The following ASTN2 variants were observed in gnomAD, a reference collection of about 807,000 sequenced individuals.
The protein encoded by ASTN2 is astrotactin-2.
In ASTN2, 54 loss-of-function variants were observed where a neutral mutation model predicts 139.8. The ratio of observed to expected loss-of-function variants is 0.39; its 90% CI spans 0.31 to 0.48. The LOEUF is 0.48. Ranked by LOEUF, ASTN2 falls within the 20% of genes least tolerant of loss-of-function variation. The pLI, the probability that ASTN2 is intolerant of heterozygous loss-of-function variation, is 0.95. For synonymous variants in ASTN2, 756 were observed against 719.5 expected (o/e 1.05, Z -0.81); for missense variants, 1,565 against 1,725.1 (o/e 0.91, Z 1.64).
chr9:117,330,183 C>T (rs1041042223), intron 1 of ASTN2, among the ~76,000 whole-genome samples: 1 of 152,160 alleles, frequency 6.6e-6, no homozygotes, highest in Non-Finnish European at 1.5e-5. Context: ...AACCTGGATG[C>T]TCCCATTATA....
chr9:117,227,331 G>A (rs1163496475), intron 2 of ASTN2, among the ~76,000 whole-genome samples: 1 of 152,000 alleles, frequency 6.6e-6, no homozygotes, highest in African/African-American at 2.4e-5. Flanking sequence ...TTTGTTCATG[G>A]CCTTAATAGA....
intron 13 of ASTN2, among the ~76,000 whole-genome samples, chr9:116,795,059 C>G (rs2132228799): frequency 6.6e-6 from 1 of 152,320 alleles, no homozygotes; most frequent in South Asian, 2.1e-4. Flanking sequence ...TTACTGCAAT[C>G]TCCGCCTCCT....
chr9:117,303,811 C>A (rs1383905500), intron 1 of ASTN2, among the ~76,000 whole-genome samples: 1 of 152,194 alleles, frequency 6.6e-6, no homozygotes, highest in East Asian at 1.9e-4. Flanking sequence ...TGTTTTTCCT[C>A]CCCTTGAATC....
Position 116,644,112 on chromosome 9 carries a change from T to C in ASTN2, c.3072+7416A>G, listed in dbSNP as rs183597973. Among the ~76,000 whole-genome samples the C allele has an allele frequency of 3.2e-4, 48 of 152,188 alleles. 1 individual carries two copies. Among genetic ancestry groups the C allele is most frequent in the African/African-American group, 1.0e-3 (43 of 41,506 alleles). On this transcript the variant is annotated intron_variant, in intron 17 of 22. Transcript: ENST00000313400. ...AGCATAGTGGTGGCGGTAGTGGTCA[T>C]GGTTGTAGTGATGGTAGGTACTGGT... is the stretch of plus-strand genomic sequence containing the variant.
At chr9:116,801,540 C>T (rs556037786) in intron 13 of ASTN2, among the ~76,000 whole-genome samples, 23 of 121,114 alleles carry the variant, frequency 1.9e-4, no homozygotes, top group African/African-American at 5.7e-4. Flanking sequence ...GATCATGTCA[C>T]TGCACTCCAC....
intron 16 of ASTN2, among the ~76,000 whole-genome samples, chr9:116,676,079 C>T (rs927262624): frequency 2.0e-5 from 3 of 152,146 alleles, no homozygotes; most frequent in African/African-American, 7.2e-5. Flanking sequence ...GGGTGATTTT[C>T]TCTTGTAAAG....
chr9:117,110,589 T>A (rs951698465), intron 4 of ASTN2, among the ~76,000 whole-genome samples: 12 of 152,048 alleles, frequency 7.9e-5, no homozygotes, highest in Admixed American at 7.2e-4. Context: ...TACAGAGGAG[T>A]ACGCTAGTAA....
At chr9:116,510,360 G>T (rs1850318344) in intron 19 of ASTN2, among the ~76,000 whole-genome samples, 1 of 151,940 alleles carries the variant, frequency 6.6e-6, no homozygotes, top group Admixed American at 6.6e-5. Flanking sequence ...TGTTCCATTG[G>T]TCTATATCTC....
At chr9:116,507,535 TCC>T (rs1373152635) in intron 19 of ASTN2, among the ~76,000 whole-genome samples, 1 of 152,152 alleles carries the variant, frequency 6.6e-6, no homozygotes, top group Non-Finnish European at 1.5e-5. Context: ...GGGCATGAGT[TCC>T]TAGAAGTATG....
intron 13 of ASTN2, among the ~76,000 whole-genome samples, chr9:116,755,183 A>G (rs1829501274): frequency 6.6e-6 from 1 of 152,180 alleles, no homozygotes; most frequent in South Asian, 2.1e-4. Flanking sequence ...CTAAATAATG[A>G]CCTTGAAAGA....
At chr9:116,701,455 G>T (rs1345851807) in intron 16 of ASTN2, among the ~76,000 whole-genome samples, 4 of 152,228 alleles carry the variant, frequency 2.6e-5, no homozygotes, top group African/African-American at 9.6e-5. Context: ...ATCTGTGGGG[G>T]CACCCAGCAG....
At chr9:117,034,598 C>T (rs1027841492) in intron 6 of ASTN2, among the ~76,000 whole-genome samples, 7 of 152,048 alleles carry the variant, frequency 4.6e-5, no homozygotes, top group Admixed American at 4.6e-4. Context: ...ACACAGCTCT[C>T]GAAGCCTTGA....
At chr9:117,118,659 C>A (rs1223653707) in intron 4 of ASTN2, among the ~76,000 whole-genome samples, 1 of 152,150 alleles carries the variant, frequency 6.6e-6, no homozygotes, top group Non-Finnish European at 1.5e-5. Context: ...TAAAACAATA[C>A]TCCAAAATCC....
At chr9:116,867,639 GA>G (rs990867113) in intron 10 of ASTN2, among the ~76,000 whole-genome samples, 155 of 151,510 alleles carry the variant, frequency 1.0e-3, no homozygotes, top group African/African-American at 3.7e-3. Flanking sequence ...AAAGGGAAGT[GA>G]AAAACAAGCA....
intron 6 of ASTN2, among the ~76,000 whole-genome samples, chr9:117,015,266 G>C (rs1837642006): frequency 6.6e-6 from 1 of 152,036 alleles, no homozygotes; most frequent in Admixed American, 6.6e-5. Flanking sequence ...CGATCCACCT[G>C]CCTTGGCCTC....
intron 1 of ASTN2, among the ~76,000 whole-genome samples, chr9:117,311,011 A>G (rs1685137803): frequency 6.6e-6 from 1 of 152,128 alleles, no homozygotes; most frequent in South Asian, 2.1e-4. Flanking sequence ...TATGCCCTTC[A>G]TTGGCTCCCC....
chr9:116,609,016 C>T (rs572445583), intron 19 of ASTN2, among the ~76,000 whole-genome samples: 20 of 152,112 alleles, frequency 1.3e-4, no homozygotes, highest in African/African-American at 4.6e-4. Context: ...TGAAGACATG[C>T]ACTAGAAACT....
chr9:116,902,555 C>A (rs113142945), intron 10 of ASTN2, among the ~76,000 whole-genome samples: 3,608 of 151,598 alleles, frequency 0.024, 57 homozygotes, highest in Middle Eastern at 0.1. Flanking sequence ...AGGTTTATAG[C>A]CCAGGAGGCT....
Position 116,618,463 on chromosome 9 carries a change from C to G in ASTN2, c.3216G>C (p.Leu1072=). The change falls in exon 19 of 23, where the codon CTG becomes CTC. Residue 1072 remains leucine (L), a synonymous_variant. Transcript: ENST00000313400. ...TACTGGAGGGCTCCACTGTTGGGGA[C>G]AGCCGCAGCCTACAGGGAATAAAAA... ...CSPLLQPVLR[L]SPTVEPSSTV... 6.2e-7 allele frequency: 1 copy of G among 1,611,398 alleles called. No individual in the cohort carries two copies. Among genetic ancestry groups the G allele is most frequent in the Non-Finnish European group, 8.5e-7 (1 of 1,179,182 alleles).
Sources: allele counts gnomAD v4.1 joint callset (sites outside exome capture counted in the v4.1 genomes callset), GRCh38; gene constraint gnomAD v4.1.1; transcripts MANE v1.5; gene names NCBI Gene and HGNC (gene_info 2026-07-23, HGNC 2026-07-21).